The following PRKN variants were observed in gnomAD, a reference collection of about 807,000 sequenced individuals.
PRKN encodes E3 ubiquitin-protein ligase parkin.
Under a neutral mutation model 59.5 loss-of-function variants are expected in PRKN, and 56 were observed. That is an observed-to-expected ratio of 0.94 (90% CI 0.76 to 1.18). The LOEUF is 1.18. PRKN is among the 50% of genes most tolerant of loss of function. The probability of loss-of-function intolerance (pLI) is 0.00; values close to 1 mark genes in which losing one functional copy is unlikely to be tolerated. For synonymous variants in PRKN, 250 were observed against 222.1 expected (o/e 1.13, Z -1.12); for missense variants, 657 against 596.4 (o/e 1.10, Z -1.06).
Position 162,658,427 on chromosome 6 carries a change from C to T in PRKN, c.7+69235G>A, listed in dbSNP as rs145989003. 2.2e-3 allele frequency among the ~76,000 whole-genome samples: 336 copies of T among 152,092 alleles called. 2 individuals carry two copies. The highest frequency in any genetic ancestry group is 7.7e-3 in the African/African-American group (319 of 41,514). ...GGCTCACGCCAGCACTTTGGGAGAC[C>T]GACGCGGGCAGATCACCTGAGGTAA... On this transcript the variant is annotated intron_variant, in intron 1 of 11. Coordinates refer to ENST00000366898, the MANE Select transcript of PRKN (RefSeq NM_004562.3).
chr6:162,709,552 T>C (rs924058640), intron 1 of PRKN, among the ~76,000 whole-genome samples: 1 of 152,076 alleles, frequency 6.6e-6, no homozygotes, highest in Admixed American at 6.6e-5. Context: ...ATTCATAGCA[T>C]CCATCCGGAC....
At chr6:161,830,494 T>C (rs367956569) in intron 6 of PRKN, among the ~76,000 whole-genome samples, 10 of 152,282 alleles carry the variant, frequency 6.6e-5, no homozygotes, top group African/African-American at 1.9e-4. Context: ...CCTCGTGATC[T>C]GCCCGCCTCG....
chr6:161,946,414 A>ACACACTCT (rs1247187053), intron 6 of PRKN, among the ~76,000 whole-genome samples: 200 of 114,438 alleles, frequency 1.7e-3, no homozygotes, highest in African/African-American at 6.6e-3. Flanking sequence ...ACACACACAC[A>ACACACTCT]CTCTCTCTCT....
chr6:161,613,441 T>C (rs1782561301), intron 7 of PRKN, among the ~76,000 whole-genome samples: 2 of 152,150 alleles, frequency 1.3e-5, no homozygotes, highest in South Asian at 4.1e-4. Flanking sequence ...ATAAAGGATT[T>C]TGAAAATTAC....
chr6:162,121,850 A>G (rs1467860560), intron 4 of PRKN, among the ~76,000 whole-genome samples: 2 of 152,208 alleles, frequency 1.3e-5, no homozygotes, highest in East Asian at 3.9e-4. Flanking sequence ...GGCCTTATTT[A>G]CAGATGAGCA....
intron 1 of PRKN, among the ~76,000 whole-genome samples, chr6:162,611,326 A>G (rs2128218832): frequency 6.6e-6 from 1 of 152,328 alleles, no homozygotes; most frequent in South Asian, 2.1e-4. Context: ...TACAAAATTC[A>G]GATTGCTACA....
At chr6:162,293,070 C>A (rs1781515048) in intron 2 of PRKN, among the ~76,000 whole-genome samples, 2 of 152,110 alleles carry the variant, frequency 1.3e-5, no homozygotes. Context: ...AATATGTAAG[C>A]CAGATGTTTA....
At chr6:162,237,635 T>A (rs1231459066) in intron 3 of PRKN, among the ~76,000 whole-genome samples, 1 of 152,158 alleles carries the variant, frequency 6.6e-6, no homozygotes, top group Non-Finnish European at 1.5e-5. Flanking sequence ...AAAGGAGGCA[T>A]GCTTATGGCA....
intron 3 of PRKN, among the ~76,000 whole-genome samples, chr6:162,252,074 G>A (rs974027456): frequency 3.9e-5 from 6 of 152,144 alleles, no homozygotes; most frequent in Non-Finnish European, 8.8e-5. Flanking sequence ...TTTAAAGTAA[G>A]AAAAGTCTAG....
chr6:161,945,639 AC>A (rs1450455710), intron 6 of PRKN, among the ~76,000 whole-genome samples: 1 of 152,174 alleles, frequency 6.6e-6, no homozygotes, highest in Non-Finnish European at 1.5e-5. Flanking sequence ...TTGCAGCTAA[AC>A]CAAACTGTGG....
At chr6:162,588,894 A>C (rs1006825258) in intron 1 of PRKN, among the ~76,000 whole-genome samples, 3 of 152,046 alleles carry the variant, frequency 2.0e-5, no homozygotes, top group African/African-American at 7.2e-5. Context: ...TGCCATAAAG[A>C]AAGCTTCTGG....
intron 2 of PRKN, among the ~76,000 whole-genome samples, chr6:162,350,462 G>A (rs377021500): frequency 5.3e-5 from 8 of 152,270 alleles, no homozygotes; most frequent in East Asian, 3.9e-4. Context: ...AAAAGAGTAC[G>A]TTATTGGTAC....
At position 161,552,163 on chromosome 6, in the gene PRKN, C is replaced by G. The variant is rs911691819; in HGVS notation, c.934-3160G>C. 6.6e-6 allele frequency among the ~76,000 whole-genome samples: 1 copy of G among 152,242 alleles called. No individual in the cohort carries two copies. Among genetic ancestry groups the G allele is most frequent in the Admixed American group, 6.5e-5 (1 of 15,286 alleles). ...AGTCTTCTGTTTCTCTGCACCAACA[C>G]TGAGCTGCAAAGGCAAAGTAGAAAG... On this transcript the variant is annotated intron_variant, in intron 8 of 11. Coordinates refer to ENST00000366898, the MANE Select transcript of PRKN (RefSeq NM_004562.3). The surrounding 1 kb of genome is among the most constrained non-coding windows in gnomAD (Gnocchi z 4.9).
intron 2 of PRKN, among the ~76,000 whole-genome samples, chr6:162,357,466 A>G (rs576202186): frequency 3.9e-5 from 6 of 152,356 alleles, no homozygotes; most frequent in African/African-American, 1.4e-4. Context: ...GTTGATGGCT[A>G]AAATTCAGAA....
At chr6:162,704,680 A>T (rs1309640609) in intron 1 of PRKN, among the ~76,000 whole-genome samples, 1 of 152,206 alleles carries the variant, frequency 6.6e-6, no homozygotes, top group African/African-American at 2.4e-5. Context: ...GTTCTAAATT[A>T]AAAAACCAAG....
At chr6:162,350,461 C>T (rs1385861923) in intron 2 of PRKN, among the ~76,000 whole-genome samples, 5 of 152,058 alleles carry the variant, frequency 3.3e-5, no homozygotes, top group African/African-American at 7.2e-5. Flanking sequence ...AAAAAGAGTA[C>T]GTTATTGGTA....
chr6:162,421,091 T>C (rs562632801), intron 2 of PRKN, among the ~76,000 whole-genome samples: 58 of 152,296 alleles, frequency 3.8e-4, no homozygotes, highest in Admixed American at 1.6e-3. Flanking sequence ...CCCAAACTCA[T>C]GTCCAGAGAT....
At position 162,011,413 on chromosome 6, in the gene PRKN, ATTATATTTTATAATATATAT is replaced by A. The variant is rs1782689188; in HGVS notation, c.619-38016_619-37997del. 2.6e-4 allele frequency among the ~76,000 whole-genome samples: 5 copies of A among 19,446 alleles called. 1 individual carries two copies. Among genetic ancestry groups the A allele is most frequent in the Admixed American group, 1.3e-3 (1 of 788 alleles). The allele number at this position is 19,446 out of a possible 152,430, so 12.8% of individuals were successfully genotyped here. On this transcript the variant is annotated intron_variant, in intron 5 of 11. Coordinates refer to ENST00000366898, the MANE Select transcript of PRKN (RefSeq NM_004562.3). ...AATATATATTATAAATATATAATAT[ATTATATTTTATAATATATAT>A]GTTATATATTTATAATATATAATAT... is the stretch of plus-strand genomic sequence containing the variant.
At chr6:162,243,686 AC>A (rs1476693333) in intron 3 of PRKN, among the ~76,000 whole-genome samples, 1 of 152,160 alleles carries the variant, frequency 6.6e-6, no homozygotes, top group African/African-American at 2.4e-5. Flanking sequence ...TTTTAGTGTA[AC>A]CTCATTGTGT....
Sources: gnomAD v4.1 joint callset for allele counts (sites outside exome capture counted in the v4.1 genomes callset) on GRCh38, gnomAD v4.1.1 for gene constraint, Gnocchi (gnomAD v3.1) non-coding constraint, MANE v1.5 for transcripts, NCBI Gene and HGNC (gene_info 2026-07-23, HGNC 2026-07-21) for gene names.